Variants in ADAMTSL1 observed in about 807,000 individuals in gnomAD.
ADAMTSL1 encodes ADAMTS like 1.
In ADAMTSL1, 126 loss-of-function variants were observed where a neutral mutation model predicts 201.8. The observed-to-expected ratio is 0.62, with a 90% CI of 0.54 to 0.72. ADAMTSL1 has a LOEUF of 0.72. Ranked by LOEUF, ADAMTSL1 falls within the 30% of genes least tolerant of loss-of-function variation. The probability of loss-of-function intolerance (pLI) is 0.00; values close to 1 mark genes in which losing one functional copy is unlikely to be tolerated. For missense variants in ADAMTSL1, 2,679 were observed against 2,277.8 expected (o/e 1.18, Z -3.59); for synonymous variants, 1,121 against 903.4 (o/e 1.24, Z -4.32).
intron 2 of ADAMTSL1, among the ~76,000 whole-genome samples, chr9:18,530,491 T>G (rs181271596): frequency 6.6e-6 from 1 of 152,240 alleles, no homozygotes; most frequent in East Asian, 1.9e-4. Flanking sequence ...AAGTTCAAAA[T>G]TAGTAGGTAT....
intron 2 of ADAMTSL1, among the ~76,000 whole-genome samples, chr9:18,263,225 A>G (rs181600249): frequency 4.5e-4 from 68 of 152,334 alleles, no homozygotes; most frequent in African/African-American, 1.5e-3. Flanking sequence ...CAGGGGAGCA[A>G]TGATGTATTT....
chr9:17,934,553 G>T (rs1588440011), intron 1 of ADAMTSL1, among the ~76,000 whole-genome samples: 1 of 152,112 alleles, frequency 6.6e-6, no homozygotes, highest in South Asian at 2.1e-4. Context: ...GGGTTTGCAT[G>T]CTGCTCAACA....
intron 1 of ADAMTSL1, among the ~76,000 whole-genome samples, chr9:17,998,042 C>A (rs1029588995): frequency 2.0e-5 from 3 of 152,008 alleles, no homozygotes; most frequent in African/African-American, 7.2e-5. Context: ...TAAAAATACC[C>A]ACTGAATATT....
chr9:18,791,520 T>TG (rs1256667731), intron 19 of ADAMTSL1, among the ~76,000 whole-genome samples: 2 of 151,328 alleles, frequency 1.3e-5, no homozygotes, highest in African/African-American at 2.4e-5. Context: ...GATTATAGGG[T>TG]GGAAAAAAAA....
At chr9:18,750,095 A>C (rs1163973394) in intron 15 of ADAMTSL1, among the ~76,000 whole-genome samples, 1 of 152,180 alleles carries the variant, frequency 6.6e-6, no homozygotes, top group Non-Finnish European at 1.5e-5. Flanking sequence ...TGGATGTTAG[A>C]TTTTGTTTTA....
At chr9:18,266,672 C>A (rs1041731644) in intron 2 of ADAMTSL1, among the ~76,000 whole-genome samples, 3 of 152,096 alleles carry the variant, frequency 2.0e-5, no homozygotes, top group Non-Finnish European at 4.4e-5. Context: ...GGCGTGGTTC[C>A]ATGGTCCTCA....
chr9:17,945,921 C>G (rs1287273756), intron 1 of ADAMTSL1, among the ~76,000 whole-genome samples: 1 of 151,506 alleles, frequency 6.6e-6, no homozygotes, highest in Non-Finnish European at 1.5e-5. Context: ...ACATATGTAA[C>G]TAACCTGCAC....
chr9:17,984,666 C>T (rs138384367), intron 1 of ADAMTSL1, among the ~76,000 whole-genome samples: 77 of 152,150 alleles, frequency 5.1e-4, no homozygotes, highest in Admixed American at 1.3e-3. Flanking sequence ...AGTTTTTGGA[C>T]GTATTGTCAA....
chr9:18,179,900 A>G (rs1447504505), intron 2 of ADAMTSL1, among the ~76,000 whole-genome samples: 2 of 152,188 alleles, frequency 1.3e-5, no homozygotes, highest in Non-Finnish European at 2.9e-5. Context: ...AGGAACAACA[A>G]GTACCAGCCA....
At chr9:18,138,289 C>A (rs577767750) in intron 1 of ADAMTSL1, among the ~76,000 whole-genome samples, 21 of 152,226 alleles carry the variant, frequency 1.4e-4, no homozygotes, top group African/African-American at 5.1e-4. Context: ...AACTGTGTTT[C>A]AGGTTTTAAA....
At chr9:18,038,200 G>A (rs1821285300) in intron 1 of ADAMTSL1, among the ~76,000 whole-genome samples, 1 of 152,112 alleles carries the variant, frequency 6.6e-6, no homozygotes, top group African/African-American at 2.4e-5. Flanking sequence ...CATGAGACTT[G>A]CCCATGTGAG....
chr9:18,904,474 A>G (rs199817207), intron 26 of ADAMTSL1, among the ~76,000 whole-genome samples: 1 of 84,058 alleles, frequency 1.2e-5, no homozygotes, highest in East Asian at 4.1e-4. Context: ...TGAGAAAAAG[A>G]AAAAAAAAGT....
intron 1 of ADAMTSL1, among the ~76,000 whole-genome samples, chr9:18,036,808 C>T (rs1246730118): frequency 6.6e-6 from 1 of 152,158 alleles, no homozygotes; most frequent in Non-Finnish European, 1.5e-5. Context: ...TAGAAATTTG[C>T]TTTAAACTTC....
In ADAMTSL1 at chr9:18,776,983, C is replaced by T; in HGVS notation, c.2754C>T (p.Leu918=). 6.3e-7 allele frequency: 1 copy of T among 1,599,974 alleles called. No individual in the cohort carries two copies. Among genetic ancestry groups the T allele is most frequent in the Non-Finnish European group, 8.5e-7 (1 of 1,171,544 alleles). The change falls in exon 19 of 29, where the codon CTC becomes CTT. Residue 918 remains leucine (L), a synonymous_variant. Coordinates refer to ENST00000380548, the MANE Select transcript of ADAMTSL1 (RefSeq NM_001040272.6). ...LITWEKDGQH[L]ISSTHVTVAP... ...CCTGGGAGAAGGACGGCCAGCACCT[C>T]ATCAGCTCGACGCACGTCACGGTGG...
intron 1 of ADAMTSL1, among the ~76,000 whole-genome samples, chr9:18,099,558 A>T (rs967133201): frequency 1.4e-5 from 2 of 147,234 alleles, no homozygotes; most frequent in Non-Finnish European, 3.0e-5. Context: ...GTATGTCGAA[A>T]TTTTTTTTAC....
At chr9:17,990,502 T>C (rs1345643567) in intron 1 of ADAMTSL1, among the ~76,000 whole-genome samples, 7 of 151,960 alleles carry the variant, frequency 4.6e-5, no homozygotes, top group Non-Finnish European at 8.8e-5. Flanking sequence ...AGGTCTGAGA[T>C]TTTTTTTCAC....
chr9:17,977,198 T>G (rs1818490520), intron 1 of ADAMTSL1, among the ~76,000 whole-genome samples: 1 of 152,140 alleles, frequency 6.6e-6, no homozygotes, highest in Admixed American at 6.6e-5. Context: ...TGTATGATCC[T>G]TTTAATGTGC....
chr9:18,623,332 G>A (rs566722277), intron 5 of ADAMTSL1, among the ~76,000 whole-genome samples: 4 of 152,090 alleles, frequency 2.6e-5, no homozygotes, highest in Admixed American at 6.5e-5. Flanking sequence ...AACCTCATGA[G>A]CAAAGTACTA....
At chr9:18,542,156 A>T (rs990341447) in intron 3 of ADAMTSL1, among the ~76,000 whole-genome samples, 1 of 152,228 alleles carries the variant, frequency 6.6e-6, no homozygotes, top group Non-Finnish European at 1.5e-5. Context: ...ATGAACACAT[A>T]TTCCTGTATT....
Sources: allele counts gnomAD v4.1 joint callset (sites outside exome capture counted in the v4.1 genomes callset), GRCh38; gene constraint gnomAD v4.1.1; transcripts MANE v1.5; gene names NCBI Gene and HGNC (gene_info 2026-07-23, HGNC 2026-07-21).